The following CACNA1C variants were observed in gnomAD, a reference collection of about 807,000 sequenced individuals.
The protein encoded by CACNA1C is calcium voltage-gated channel subunit alpha1 C, also known as voltage-dependent L-type calcium channel subunit alpha-1C.
CACNA1C carries 30 observed loss-of-function variants against 229.0 expected under a neutral mutation model. The observed-to-expected ratio is 0.13, with a 90% CI of 0.10 to 0.18. CACNA1C has a LOEUF of 0.18. CACNA1C is among the 10% of genes least tolerant of loss of function. The probability of loss-of-function intolerance (pLI) is 1.00; values close to 1 mark genes in which losing one functional copy is unlikely to be tolerated. For missense variants in CACNA1C, 1,658 were observed against 2,845.0 expected (o/e 0.58, Z 9.49); for synonymous variants, 1,114 against 1,132.5 (o/e 0.98, Z 0.33).
intron 3 of CACNA1C, among the ~76,000 whole-genome samples, chr12:2,284,237 T>C (rs1165914714): frequency 6.6e-6 from 1 of 151,954 alleles, no homozygotes; most frequent in African/African-American, 2.4e-5. Context: ...AGGGAGCATT[T>C]TTTTGTGAAT....
At chr12:2,230,285 G>T (rs2064542220) in intron 3 of CACNA1C, among the ~76,000 whole-genome samples, 1 of 152,184 alleles carries the variant, frequency 6.6e-6, no homozygotes, top group South Asian at 2.1e-4. Flanking sequence ...TGGGGACGGC[G>T]CCGGGCTGCG....
At chr12:2,258,893 T>A (rs184605714) in intron 3 of CACNA1C, among the ~76,000 whole-genome samples, 1 of 152,354 alleles carries the variant, frequency 6.6e-6, no homozygotes. Context: ...CCTTAAAAAG[T>A]AATCCATTTG....
chr12:2,426,309 A>G (rs544105879), intron 3 of CACNA1C, among the ~76,000 whole-genome samples: 1 of 152,238 alleles, frequency 6.6e-6, no homozygotes, highest in Non-Finnish European at 1.5e-5. Context: ...ATTATCAGAA[A>G]TAATTGACAA....
chr12:2,005,797 A>G (rs909857564), intron 1 of CACNA1C, among the ~76,000 whole-genome samples: 4 of 152,248 alleles, frequency 2.6e-5, no homozygotes, highest in African/African-American at 9.6e-5. Context: ...AAGGTGGACT[A>G]ATGGATTTTT....
chr12:2,152,404 G>T lies in CACNA1C; in HGVS notation c.477+31974G>T, dbSNP rs1160012579. 6.6e-6 allele frequency among the ~76,000 whole-genome samples: 1 copy of T among 152,224 alleles called. No homozygotes were observed. Among genetic ancestry groups the T allele is most frequent in the African/African-American group, 2.4e-5 (1 of 41,446 alleles). ...TGACTTCCGGTGTGTGCCCTTGAAG[G>T]CAAAGTCATGCCTGCCCTTTCCCTT... On this transcript the variant is annotated intron_variant, in intron 3 of 46. Coordinates refer to ENST00000399655, the MANE Select transcript of CACNA1C (RefSeq NM_000719.7). The surrounding 1 kb of genome is among the most constrained non-coding windows in gnomAD (Gnocchi z 4.2).
intron 9 of CACNA1C, among the ~76,000 whole-genome samples, chr12:2,524,622 G>A (rs534790479): frequency 2.6e-5 from 4 of 152,302 alleles, no homozygotes; most frequent in South Asian, 2.1e-4. Flanking sequence ...CCACCACACC[G>A]GTCTTCAGGC....
intron 5 of CACNA1C, among the ~76,000 whole-genome samples, chr12:2,472,014 T>G (rs1044524717): frequency 6.6e-6 from 1 of 152,232 alleles, no homozygotes; most frequent in East Asian, 1.9e-4. Context: ...CACATAATGT[T>G]TCTTCCTTTG....
At chr12:2,241,763 T>C (rs918545773) in intron 3 of CACNA1C, among the ~76,000 whole-genome samples, 1 of 152,232 alleles carries the variant, frequency 6.6e-6, no homozygotes, top group African/African-American at 2.4e-5. Flanking sequence ...TCCCTCCCAA[T>C]GTGGCTGCAT....
chr12:2,626,758 G>T (rs896667553), intron 29 of CACNA1C, among the ~76,000 whole-genome samples: 3 of 152,138 alleles, frequency 2.0e-5, no homozygotes, highest in Admixed American at 1.3e-4. Flanking sequence ...CCCAAATGGA[G>T]CTTAACCCAT....
At chr12:2,282,463 T>C (rs992032775) in intron 3 of CACNA1C, among the ~76,000 whole-genome samples, 11 of 152,182 alleles carry the variant, frequency 7.2e-5, no homozygotes, top group Non-Finnish European at 1.2e-4. Flanking sequence ...ACAGCAGCTT[T>C]ATGGAAACTG....
chr12:2,067,449 C>CAT lies in CACNA1C; in HGVS notation c.49+13838_49+13839insAT, dbSNP rs34699164. ...GCTTAGGACTGTGGACTAGGATGCA[C>CAT]GTGTGTGTGTGTGTGTGTGTGTGTG... On this transcript the variant is annotated intron_variant, in intron 1 of 46. Coordinates refer to ENST00000399655, the MANE Select transcript of CACNA1C (RefSeq NM_000719.7). This position sits in a 1 kb window ranked among gnomAD's most constrained non-coding sequence, Gnocchi z 5.3. Among the ~76,000 whole-genome samples the CAT allele has an allele frequency of 2.5e-4, 35 of 141,488 alleles. No individual in the cohort carries two copies. The highest frequency in any genetic ancestry group is 8.3e-4 in the Admixed American group (12 of 14,418). The allele number at this position is 141,488 out of a possible 152,430, so 92.8% of individuals were successfully genotyped here. A position where few individuals can be genotyped will look rare whatever the true frequency, so the allele number is the denominator to read the frequency against.
At chr12:1,993,263 C>T (rs778143313) in intron 1 of CACNA1C, 4 of 1,614,102 alleles carry the variant, frequency 2.5e-6, no homozygotes, top group Admixed American at 1.7e-5. Flanking sequence ...GAAAGACTCA[C>T]ATCTGGCATT....
intron 3 of CACNA1C, among the ~76,000 whole-genome samples, chr12:2,177,253 C>T (rs1378854972): frequency 6.6e-6 from 1 of 152,176 alleles, no homozygotes; most frequent in Non-Finnish European, 1.5e-5. Context: ...CGCCTCTATC[C>T]CTGTCAGGTA....
chr12:2,623,805 C>T (rs1160390338), intron 29 of CACNA1C, among the ~76,000 whole-genome samples: 1 of 152,192 alleles, frequency 6.6e-6, no homozygotes, highest in African/African-American at 2.4e-5. Context: ...CAGCCCCTGG[C>T]TCACAAGCTC....
chr12:2,294,668 A>T (rs2093853382), intron 3 of CACNA1C, among the ~76,000 whole-genome samples: 1 of 152,194 alleles, frequency 6.6e-6, no homozygotes, highest in South Asian at 2.1e-4. Flanking sequence ...TCCAAGCCAG[A>T]GGAACCCAAG....
intron 30 of CACNA1C, chr12:2,641,564 T>C: frequency 1.6e-6 from 1 of 611,346 alleles, no homozygotes; most frequent in Non-Finnish European, 3.0e-6. Flanking sequence ...TTCCAGCTTC[T>C]TCCCACTTTC....
chr12:2,256,295 G>T (rs1373833635), intron 3 of CACNA1C, among the ~76,000 whole-genome samples: 1 of 152,166 alleles, frequency 6.6e-6, no homozygotes, highest in Non-Finnish European at 1.5e-5. Flanking sequence ...ATCAATGCAT[G>T]GGGTAATCAG....
intron 8 of CACNA1C, among the ~76,000 whole-genome samples, chr12:2,511,405 T>C (rs1342200862): frequency 6.6e-6 from 1 of 152,228 alleles, no homozygotes; most frequent in African/African-American, 2.4e-5. Context: ...TGCCCTCTTA[T>C]GGTTTGTGGT....
At chr12:2,295,515 C>T (rs2093955846) in intron 3 of CACNA1C, among the ~76,000 whole-genome samples, 1 of 152,154 alleles carries the variant, frequency 6.6e-6, no homozygotes, top group African/African-American at 2.4e-5. Context: ...CCTTTAGTCC[C>T]AGTACCTAGC....
Sources: allele counts gnomAD v4.1 joint callset (sites outside exome capture counted in the v4.1 genomes callset), GRCh38; gene constraint gnomAD v4.1.1; non-coding constraint Gnocchi (gnomAD v3.1); transcripts MANE v1.5; gene names NCBI Gene and HGNC (gene_info 2026-07-23, HGNC 2026-07-21).